The following WDR72 variants were observed in gnomAD, a reference collection of about 807,000 sequenced individuals.
WDR72 encodes the protein WD repeat-containing protein 72.
Under a neutral mutation model 124.2 loss-of-function variants are expected in WDR72, and 120 were observed. The ratio of observed to expected loss-of-function variants is 0.97; its 90% confidence interval spans 0.83 to 1.12. The LOEUF (loss-of-function observed/expected upper bound fraction) is 1.12, where lower values mean the gene tolerates loss of function less well. Among genes scored for constraint, WDR72 ranks in the 50% most tolerant of loss-of-function variants. The pLI is 0.00. For missense variants in WDR72, 1,387 were observed against 1,278.8 expected, an observed-to-expected ratio of 1.08 and a Z score of -1.29; for synonymous variants, 452 against 441.7, an observed-to-expected ratio of 1.02 and a Z score of -0.29.
chr15:53,648,610 T>A (rs1215919647), intron 14 of WDR72, among the ~76,000 whole-genome samples: 1 of 152,128 alleles, frequency 6.6e-6, no homozygotes, highest in Non-Finnish European at 1.5e-5. Flanking sequence ...CTCTTTTGAG[T>A]GATTTGTATG....
At chr15:53,705,291 G>GA in intron 10 of WDR72, 58 bp from the exon 11 acceptor site, 1 of 1,548,768 alleles carries the variant, frequency 6.5e-7, no homozygotes, top group Non-Finnish European at 8.8e-7. Flanking sequence ...CATAGACATG[G>GA]AAAATATCAA....
intron 18 of WDR72, among the ~76,000 whole-genome samples, chr15:53,576,148 C>T (rs1031959960): frequency 6.7e-6 from 1 of 149,418 alleles, no homozygotes; most frequent in African/African-American, 2.5e-5. Context: ...CCTAAAATAG[C>T]TCTTATGACA....
intron 18 of WDR72, among the ~76,000 whole-genome samples, chr15:53,568,109 A>G (rs1317565526): frequency 6.7e-6 from 1 of 149,108 alleles, no homozygotes; most frequent in African/African-American, 2.5e-5. Flanking sequence ...AATTCTACTA[A>G]TTTCTAAGTA....
chr15:53,524,862 T>TA, intron 18 of WDR72, among the ~76,000 whole-genome samples: 1 of 152,234 alleles, frequency 6.6e-6, no homozygotes, highest in Non-Finnish European at 1.5e-5. Context: ...GTCTAGGCCA[T>TA]AGAAGGTATT....
intron 17 of WDR72, among the ~76,000 whole-genome samples, chr15:53,597,783 C>T (rs1257594709): frequency 3.9e-5 from 6 of 152,106 alleles, no homozygotes; most frequent in Non-Finnish European, 7.4e-5. Context: ...TGTGGTTTTA[C>T]ATAGATTAAA....
chr15:53,665,055 T>C (rs574712796), intron 14 of WDR72, among the ~76,000 whole-genome samples: 61 of 152,294 alleles, frequency 4.0e-4, no homozygotes, highest in African/African-American at 1.3e-3. Flanking sequence ...AAATTTCTGC[T>C]AAGCTGGTTG....
chr15:53,657,810 G>A (rs1018956944), intron 14 of WDR72, among the ~76,000 whole-genome samples: 1 of 152,296 alleles, frequency 6.6e-6, no homozygotes, highest in South Asian at 2.1e-4. Context: ...AATCACGGTT[G>A]CCTATCAGCA....
At chr15:53,731,532 AC>A (rs1046492327) in intron 2 of WDR72, among the ~76,000 whole-genome samples, 1 of 151,728 alleles carries the variant, frequency 6.6e-6, no homozygotes, top group Admixed American at 6.6e-5. Flanking sequence ...AATTGTGACA[AC>A]CAAAATGTCT....
intron 1 of WDR72, among the ~76,000 whole-genome samples, chr15:53,735,111 T>A (rs974303915): frequency 3.3e-5 from 5 of 152,002 alleles, no homozygotes; most frequent in African/African-American, 9.7e-5. Flanking sequence ...CTGACCAACA[T>A]GGTGAAACTC....
intron 12 of WDR72, among the ~76,000 whole-genome samples, chr15:53,701,095 A>G (rs1325158463): frequency 6.6e-6 from 1 of 152,118 alleles, no homozygotes; most frequent in Non-Finnish European, 1.5e-5. Flanking sequence ...GTTTTTTTTA[A>G]GTCAACTTTA....
intron 13 of WDR72, among the ~76,000 whole-genome samples, chr15:53,686,049 T>C (rs2016609178): frequency 6.8e-6 from 1 of 146,878 alleles, no homozygotes; most frequent in Admixed American, 6.8e-5. Context: ...TTACAAGAGC[T>C]CCTAAAGGAA....
intron 17 of WDR72, among the ~76,000 whole-genome samples, chr15:53,601,203 T>C (rs2013029819): frequency 1.3e-5 from 2 of 152,210 alleles, no homozygotes; most frequent in Admixed American, 6.5e-5. Flanking sequence ...GGGGACAATA[T>C]TCAAAATTCT....
chr15:53,683,738 G>C (rs73410179), intron 13 of WDR72, among the ~76,000 whole-genome samples: 2,306 of 152,210 alleles, frequency 0.015, 59 homozygotes, highest in African/African-American at 0.053. Flanking sequence ...AGAGGAAGAA[G>C]AGATCTAATC....
intron 14 of WDR72, among the ~76,000 whole-genome samples, chr15:53,644,399 C>G (rs1029776556): frequency 6.6e-6 from 1 of 151,952 alleles, no homozygotes. Context: ...TGACAGAAAC[C>G]AGTAACTATT....
chr15:53,614,418 C>A (rs1272652722), intron 15 of WDR72, among the ~76,000 whole-genome samples: 1 of 152,078 alleles, frequency 6.6e-6, no homozygotes, highest in Non-Finnish European at 1.5e-5. Flanking sequence ...GCTCTGACAG[C>A]AGATCAAATC....
intron 18 of WDR72, among the ~76,000 whole-genome samples, chr15:53,569,238 C>A (rs75716876): frequency 0.032 from 4,935 of 152,080 alleles, 116 homozygotes; most frequent in Middle Eastern, 0.068. Flanking sequence ...CTATGTTGAG[C>A]CTCTACACTC....
chr15:53,683,672 T>C (rs1317811225), intron 13 of WDR72, among the ~76,000 whole-genome samples: 2 of 152,130 alleles, frequency 1.3e-5, no homozygotes, highest in Non-Finnish European at 2.9e-5. Flanking sequence ...ATATAGTGAA[T>C]ATTAAGTATA....
At chr15:53,695,452 G>T (rs2016974017) in intron 13 of WDR72, among the ~76,000 whole-genome samples, 1 of 152,182 alleles carries the variant, frequency 6.6e-6, no homozygotes, top group Non-Finnish European at 1.5e-5. Context: ...CGACCAAGCC[G>T]CCCAGAGTTG....
At chr15:53,665,909 G>A in intron 13 of WDR72, 141 bp from the exon 14 acceptor site, 1 of 802,156 alleles carries the variant, frequency 1.2e-6, no homozygotes, top group Non-Finnish European at 2.0e-6. Flanking sequence ...AAATAGCCTG[G>A]GAGCTTTTCC....
Sources: gnomAD v4.1 joint callset for allele counts (sites outside exome capture counted in the v4.1 genomes callset) on GRCh38, gnomAD v4.1.1 for gene constraint, MANE v1.5 for transcripts, NCBI Gene and HGNC (gene_info 2026-07-23, HGNC 2026-07-21) for gene names.